SLC22A24: variants seen among roughly 807,000 people sequenced by gnomAD.
SLC22A24 encodes the protein steroid transmembrane transporter SLC22A24.
A neutral mutation model predicts 49.8 loss-of-function variants in SLC22A24; 53 were observed. The observed-to-expected ratio is 1.06, with a 90% CI of 0.85 to 1.34. The LOEUF (loss-of-function observed/expected upper bound fraction) is 1.34. SLC22A24 is among the 40% of genes most tolerant of loss of function. SLC22A24 has a pLI of 0.00. For synonymous variants in SLC22A24, 302 were observed against 256.4 expected (o/e 1.18, Z -1.70); for missense variants, 786 against 675.9 (o/e 1.16, Z -1.81).
chr11:63,112,207 C>G (rs559995823), intron 4 of SLC22A24, among the ~76,000 whole-genome samples: 1 of 152,230 alleles, frequency 6.6e-6, no homozygotes, highest in South Asian at 2.1e-4. Flanking sequence ...GCACTGTGGT[C>G]TGAGAGATAG....
At chr11:63,139,938 A>G (rs1217644578) in intron 1 of SLC22A24, among the ~76,000 whole-genome samples, 2 of 152,092 alleles carry the variant, frequency 1.3e-5, no homozygotes, top group Non-Finnish European at 2.9e-5. Context: ...TGATATTTAT[A>G]TGTAAAAGAG....
At chr11:63,109,101 G>T (rs2087143569) in intron 4 of SLC22A24, among the ~76,000 whole-genome samples, 1 of 148,778 alleles carries the variant, frequency 6.7e-6, no homozygotes, top group Admixed American at 6.7e-5. Flanking sequence ...GTGGTGTTTG[G>T]TTTTTTGTTC....
chr11:63,136,682 G>A (rs1412838506), intron 1 of SLC22A24, among the ~76,000 whole-genome samples: 4 of 152,204 alleles, frequency 2.6e-5, no homozygotes, highest in Non-Finnish European at 5.9e-5. Flanking sequence ...TCTAGGCAGT[G>A]GACAAGGTGT....
At chr11:63,113,027 A>T (rs1565331963) in intron 4 of SLC22A24, among the ~76,000 whole-genome samples, 3 of 59,076 alleles carry the variant, frequency 5.1e-5, no homozygotes, top group East Asian at 5.5e-4. Flanking sequence ...AAAAAAAAAA[A>T]AAAAAAAAAT....
chr11:63,085,557 C>T (rs1250090685), intron 6 of SLC22A24, among the ~76,000 whole-genome samples: 1 of 152,004 alleles, frequency 6.6e-6, no homozygotes, highest in Non-Finnish European at 1.5e-5. Context: ...TTGCATAGTT[C>T]CATTTTTTGA....
At chr11:63,124,179 G>A (rs970999431) in intron 2 of SLC22A24, among the ~76,000 whole-genome samples, 1 of 152,144 alleles carries the variant, frequency 6.6e-6, no homozygotes, top group Non-Finnish European at 1.5e-5. Context: ...ATGGAAGAAG[G>A]TAATAGATGA....
chr11:63,139,127 G>GT (rs1427120723), intron 1 of SLC22A24, among the ~76,000 whole-genome samples: 1 of 152,028 alleles, frequency 6.6e-6, no homozygotes, highest in Non-Finnish European at 1.5e-5. Context: ...CTTGGAACTT[G>GT]TTTTTCTGGA....
At chr11:63,140,075 G>GTTTTTTTTT (rs1554964301) in intron 1 of SLC22A24, among the ~76,000 whole-genome samples, 1 of 85,744 alleles carries the variant, frequency 1.2e-5, no homozygotes, top group Non-Finnish European at 2.5e-5. Flanking sequence ...TTGTTTTTTT[G>GTTTTTTTTT]TTTTTTTTTT....
Position 63,143,420 on chromosome 11 carries a change from C to A in SLC22A24, c.360G>T (p.Trp120Cys), listed in dbSNP as rs200025846. The A allele has an allele frequency of 1.3e-6, 2 of 1,528,490 alleles. No homozygotes were observed. Among genetic ancestry groups the A allele is most frequent in the African/African-American group, 1.4e-5 (1 of 71,406 alleles). 94.7% of individuals were successfully genotyped at this position (1,528,490 alleles called of 1,614,324 possible). ...AGAGGAAAGAGCTTCTGTCGTACACCCAGCCATCCACACAGGGCTCCGTGT... is the reference window on the plus strand; with the variant it reads ...AGAGGAAAGAGCTTCTGTCGTACACACAGCCATCCACACAGGGCTCCGTGT... The part of the protein sequence containing the change: ...EPDTEPCVDG[W>C]VYDRSSFLST... The change falls in exon 1 of 10, where the codon TGG becomes TGT. Residue 120 changes from tryptophan to cysteine, a missense_variant. By Grantham distance (215) the Trp-to-Cys change is radical. Transcript: ENST00000612278.
At chr11:63,135,795 G>T (rs979296363) in intron 1 of SLC22A24, among the ~76,000 whole-genome samples, 1 of 152,198 alleles carries the variant, frequency 6.6e-6, no homozygotes, top group Non-Finnish European at 1.5e-5. Flanking sequence ...CATCAACAAT[G>T]CATTTGACCC....
At chr11:63,142,745 A>C (rs2087423379) in intron 1 of SLC22A24, among the ~76,000 whole-genome samples, 1 of 152,030 alleles carries the variant, frequency 6.6e-6, no homozygotes, top group Non-Finnish European at 1.5e-5. Flanking sequence ...CCACTTAGGA[A>C]GTGACTCAGC....
chr11:63,141,905 T>C (rs1274407798), intron 1 of SLC22A24, among the ~76,000 whole-genome samples: 4 of 152,144 alleles, frequency 2.6e-5, no homozygotes, highest in East Asian at 1.9e-4. Context: ...GAGAGAAAAA[T>C]TATGCTTCAA....
At chr11:63,094,482 T>G (rs936208353) in intron 6 of SLC22A24, among the ~76,000 whole-genome samples, 6 of 152,290 alleles carry the variant, frequency 3.9e-5, no homozygotes, top group African/African-American at 1.2e-4. Flanking sequence ...TTATAATCCT[T>G]TGGGTATATA....
intron 4 of SLC22A24, among the ~76,000 whole-genome samples, chr11:63,108,878 G>T (rs2087141253): frequency 6.8e-6 from 1 of 147,918 alleles, no homozygotes; most frequent in African/African-American, 2.5e-5. Flanking sequence ...TAAGTTTTAG[G>T]GTACATGTGC....
intron 6 of SLC22A24, among the ~76,000 whole-genome samples, chr11:63,095,604 TG>T (rs1157559741): frequency 1.3e-5 from 2 of 152,222 alleles, no homozygotes; most frequent in African/African-American, 4.8e-5. Context: ...AAAATGAGCT[TG>T]TCTGGGTGGT....
chr11:63,123,056 T>C (rs1418173900), intron 2 of SLC22A24, among the ~76,000 whole-genome samples: 1 of 152,170 alleles, frequency 6.6e-6, no homozygotes, highest in East Asian at 1.9e-4. Context: ...ACTATGTGCA[T>C]ATTTTGATTG....
intron 2 of SLC22A24, among the ~76,000 whole-genome samples, chr11:63,124,855 A>C (rs1415377004): frequency 6.6e-6 from 1 of 152,114 alleles, no homozygotes; most frequent in African/African-American, 2.4e-5. Context: ...TTGCAAGGAC[A>C]AAAAACCAAA....
At chr11:63,085,083 A>G (rs1032400422) in intron 6 of SLC22A24, among the ~76,000 whole-genome samples, 61 of 152,232 alleles carry the variant, frequency 4.0e-4, no homozygotes, top group African/African-American at 1.4e-3. Context: ...TTCTGTTTTC[A>G]TGATTAGGCC....
At chr11:63,095,968 A>G (rs780297849) in intron 6 of SLC22A24, 23 bp downstream of exon 6, 3 of 1,479,472 alleles carry the variant, frequency 2.0e-6, no homozygotes, top group Non-Finnish European at 1.8e-6. Flanking sequence ...TTTTAAAGTG[A>G]ATCATCACCA....
Sources: gnomAD v4.1 joint callset for allele counts (sites outside exome capture counted in the v4.1 genomes callset) on GRCh38, gnomAD v4.1.1 for gene constraint, MANE v1.5 for transcripts, NCBI Gene and HGNC (gene_info 2026-07-23, HGNC 2026-07-21) for gene names.